PRKCA: variants seen among roughly 807,000 people sequenced by gnomAD.
PRKCA encodes protein kinase C alpha type.
PRKCA carries 27 observed loss-of-function variants against 87.0 expected under a neutral mutation model. That is an observed-to-expected ratio of 0.31 (90% CI 0.23 to 0.43). The LOEUF (loss-of-function observed/expected upper bound fraction) is 0.43. Among genes scored for constraint, PRKCA ranks in the 20% least tolerant of loss-of-function variants. The pLI is 1.00. For missense variants in PRKCA, 518 were observed against 852.3 expected (o/e 0.61, Z 4.88); for synonymous variants, 329 against 311.1 (o/e 1.06, Z -0.61).
intron 14 of PRKCA, chr17:66,777,852 C>G (rs1176789265): frequency 1.0e-5 from 10 of 985,268 alleles, no homozygotes; most frequent in East Asian, 1.1e-4. Context: ...TTTCAGAACC[C>G]AGGTCTGCAG....
intron 5 of PRKCA, among the ~76,000 whole-genome samples, chr17:66,682,174 G>T (rs1330943031): frequency 6.6e-6 from 1 of 152,208 alleles, no homozygotes; most frequent in East Asian, 1.9e-4. Flanking sequence ...CACTGGGTAG[G>T]TGGTTCTCCA....
At chr17:66,780,241 G>A (rs1213427148) in intron 14 of PRKCA, among the ~76,000 whole-genome samples, 1 of 152,178 alleles carries the variant, frequency 6.6e-6, no homozygotes, top group Non-Finnish European at 1.5e-5. Context: ...TTGTAAATGT[G>A]CCATGGAACA....
At chr17:66,595,292 C>A (rs1160932480) in intron 3 of PRKCA, among the ~76,000 whole-genome samples, 1 of 151,992 alleles carries the variant, frequency 6.6e-6, no homozygotes, top group Non-Finnish European at 1.5e-5. Context: ...CTTGGCCCCC[C>A]AAAATGCTAG....
chr17:66,313,033 C>T (rs893731096), intron 2 of PRKCA, among the ~76,000 whole-genome samples: 3 of 152,114 alleles, frequency 2.0e-5, no homozygotes, highest in African/African-American at 7.2e-5. Context: ...GCTCCCGCGC[C>T]CCACCCTTCC....
intron 3 of PRKCA, among the ~76,000 whole-genome samples, chr17:66,594,790 G>T (rs1969923101): frequency 6.6e-6 from 1 of 152,142 alleles, no homozygotes; most frequent in Admixed American, 6.5e-5. Context: ...CATAGATCAG[G>T]TTGGCCACAG....
intron 2 of PRKCA, among the ~76,000 whole-genome samples, chr17:66,337,342 T>C (rs1906762681): frequency 6.6e-6 from 1 of 152,178 alleles, no homozygotes; most frequent in Non-Finnish European, 1.5e-5. Flanking sequence ...TTTCCTCCAT[T>C]TTACAAGCAA....
In PRKCA at chr17:66,738,809, A is replaced by G; in HGVS notation, c.1276A>G (p.Met426Val). 1 of 1,611,820 alleles carries G rather than the reference A, an allele frequency of 6.2e-7. No homozygotes were observed. The change falls in exon 11 of 17, where the codon ATG (methionine) becomes GTG (valine). Residue 426 changes from methionine (M) to valine (V), a missense_variant. Around this residue, in one of 5 missense-constraint regions of PRKCA, gnomAD observed 300 missense variants for 496.8 expected, o/e 0.60. Transcript: ENST00000413366. ...VMEYVNGGDL[M>V]YHIQQVGKFK... is the part of the protein sequence containing the mutation. ...GGAATATGTCAACGGTGGGGACCTCATGTACCACATTCAGCAAGTAGGAAA... is the reference window on the plus strand; with the variant it reads ...GGAATATGTCAACGGTGGGGACCTCGTGTACCACATTCAGCAAGTAGGAAA...
chr17:66,688,486 G>C, intron 7 of PRKCA, 50 bp downstream of exon 7: 1 of 1,607,676 alleles, frequency 6.2e-7, no homozygotes, highest in Non-Finnish European at 8.5e-7. Flanking sequence ...AGACCATTTA[G>C]ACAGTTAGGT....
At chr17:66,518,731 C>T (rs1302101923) in intron 3 of PRKCA, among the ~76,000 whole-genome samples, 2 of 152,266 alleles carry the variant, frequency 1.3e-5, no homozygotes, top group East Asian at 1.9e-4. Context: ...AACCCAAAAT[C>T]TAATGCCCAG....
intron 2 of PRKCA, among the ~76,000 whole-genome samples, chr17:66,374,127 G>A (rs529980284): frequency 1.8e-4 from 28 of 152,210 alleles, no homozygotes; most frequent in African/African-American, 6.7e-4. Flanking sequence ...GGGCTCTGAA[G>A]CACACCCTTG....
intron 3 of PRKCA, among the ~76,000 whole-genome samples, chr17:66,635,635 A>C (rs1985633): frequency 0.63 from 95,553 of 152,120 alleles, 30,099 homozygotes; most frequent in African/African-American, 0.7. Flanking sequence ...GAAGAAGTAA[A>C]AGATGTTCCT....
intron 2 of PRKCA, among the ~76,000 whole-genome samples, chr17:66,463,762 G>A (rs1172210199): frequency 6.6e-6 from 1 of 152,144 alleles, no homozygotes; most frequent in African/African-American, 2.4e-5. Flanking sequence ...AAACTGAGCA[G>A]AAGATACAGA....
At chr17:66,802,117 A>G (rs1039920111) in intron 16 of PRKCA, among the ~76,000 whole-genome samples, 1 of 152,092 alleles carries the variant, frequency 6.6e-6, no homozygotes, top group African/African-American at 2.4e-5. Flanking sequence ...GCTACTCAGG[A>G]GGCTGAGGTG....
chr17:66,438,561 TA>T (rs1349752921), intron 2 of PRKCA, among the ~76,000 whole-genome samples: 5 of 152,166 alleles, frequency 3.3e-5, no homozygotes, highest in Admixed American at 1.3e-4. Context: ...TTATTTCATT[TA>T]AAACAGAGTA....
chr17:66,516,274 G>A (rs1966967229), intron 3 of PRKCA, among the ~76,000 whole-genome samples: 1 of 152,102 alleles, frequency 6.6e-6, no homozygotes, highest in Non-Finnish European at 1.5e-5. Context: ...GCACTTGGGA[G>A]GATAGGGGAT....
chr17:66,642,015 C>T (rs1340390136), intron 4 of PRKCA, among the ~76,000 whole-genome samples: 1 of 152,146 alleles, frequency 6.6e-6, no homozygotes, highest in East Asian at 1.9e-4. Flanking sequence ...TGGCTCAAAA[C>T]GCTGAGGACC....
chr17:66,602,906 AACCGGGGATTCAGTCTGTGAGGCGGG>A (rs1970093347), intron 3 of PRKCA, among the ~76,000 whole-genome samples: 1 of 151,974 alleles, frequency 6.6e-6, no homozygotes, highest in Non-Finnish European at 1.5e-5. Flanking sequence ...CCGGGGCGGT[AACCGGGGATTCAGTCTGTGAGGCGGG>A]AAGCCCACTA....
chr17:66,497,580 A>C (rs1916532894), intron 3 of PRKCA, among the ~76,000 whole-genome samples: 1 of 152,146 alleles, frequency 6.6e-6, no homozygotes, highest in Non-Finnish European at 1.5e-5. Context: ...TTCAGCTGTT[A>C]TATGAAAAGT....
intron 3 of PRKCA, among the ~76,000 whole-genome samples, chr17:66,498,135 T>TCCCCGCCTCCTGCCCCCTGCC (rs1301601948): frequency 7.2e-6 from 1 of 138,124 alleles, no homozygotes; most frequent in African/African-American, 2.7e-5. Flanking sequence ...TCCCCCCTGC[T>TCCCCGCCTCCTGCCCCCTGCC]CCCCGCCTCC....
Sources: allele counts gnomAD v4.1 joint callset (sites outside exome capture counted in the v4.1 genomes callset), GRCh38; gene constraint gnomAD v4.1.1; regional missense constraint gnomAD v4.1.1; transcripts MANE v1.5; gene names NCBI Gene and HGNC (gene_info 2026-07-23, HGNC 2026-07-21).